The following ABCC9 variants were observed in gnomAD, a reference collection of about 807,000 sequenced individuals.
ABCC9 encodes ATP-binding cassette sub-family C member 9.
Under a neutral mutation model 188.3 loss-of-function variants are expected in ABCC9, and 95 were observed. The observed-to-expected ratio is 0.50, with a 90% confidence interval of 0.43 to 0.60. The LOEUF is 0.60. Among genes scored for constraint, ABCC9 ranks in the 20% least tolerant of loss-of-function variants. The probability of loss-of-function intolerance (pLI) is 0.00; values close to 1 mark genes in which losing one functional copy is unlikely to be tolerated. For synonymous variants in ABCC9, 659 were observed against 652.7 expected, an observed-to-expected ratio of 1.01 and a Z score of -0.15; for missense variants, 1,102 against 1,876.3, an observed-to-expected ratio of 0.59 and a Z score of 7.62.
At chr12:21,887,787 C>T (rs768261209) in intron 15 of ABCC9, 39 bp downstream of exon 15, 3 of 1,254,764 alleles carry the variant, frequency 2.4e-6, no homozygotes, top group South Asian at 2.4e-5. Context: ...TGAGACTGTC[C>T]TCTATTCACA....
intron 31 of ABCC9, among the ~76,000 whole-genome samples, chr12:21,824,471 A>G (rs751398738): frequency 6.6e-6 from 1 of 152,070 alleles, no homozygotes; most frequent in East Asian, 1.9e-4. Flanking sequence ...TTGTGTCTCT[A>G]CTAGGTTTTG....
intron 19 of ABCC9, among the ~76,000 whole-genome samples, chr12:21,863,711 C>T (rs1449946022): frequency 6.6e-6 from 1 of 152,006 alleles, no homozygotes; most frequent in Non-Finnish European, 1.5e-5. Context: ...ACTTTAATTT[C>T]CAATAGTTAG....
At chr12:21,937,189 GA>G (rs1949522493) in intron 2 of ABCC9, among the ~76,000 whole-genome samples, 2 of 152,128 alleles carry the variant, frequency 1.3e-5, no homozygotes, top group Admixed American at 6.5e-5. Flanking sequence ...CTAATATACA[GA>G]AACAAGTGTG....
chr12:21,901,021 A>C (rs989439503), intron 12 of ABCC9, among the ~76,000 whole-genome samples: 2 of 152,170 alleles, frequency 1.3e-5, no homozygotes, highest in Non-Finnish European at 2.9e-5. Flanking sequence ...CCAAAGTTGA[A>C]ATGAAGGAAA....
At chr12:21,916,787 A>G in intron 6 of ABCC9, 150 bp downstream of exon 6, 1 of 609,132 alleles carries the variant, frequency 1.6e-6, no homozygotes, top group Non-Finnish European at 2.6e-6. Context: ...TAATGGCCTG[A>G]ATTTAGTGAT....
In ABCC9 at chr12:21,838,163, G is replaced by A; in HGVS notation, c.3481C>T (p.Gln1161Ter). The change falls in exon 30 of 40, where the codon CAG (glutamine) becomes TAG (stop). Residue 1161 changes from glutamine to a stop codon, truncating the protein, a stop_gained. Transcript: ENST00000261200. LOFTEE classifies it high-confidence loss of function. ...AGCTGGGTACTATCGTCAAGTTCCT[G>A]GAGGTCCCTAGTAGAGAGAGGGGCA... Reference protein sequence around the residue: ...KYFRVASKDLQELDDSTQLPL... With the variant: ...KYFRVASKDL 1 of 1,613,346 alleles carries A rather than the reference G, an allele frequency of 6.2e-7. No individual in the cohort carries two copies. Among genetic ancestry groups the A allele is most frequent in the East Asian group, 2.2e-5 (1 of 44,874 alleles).
At chr12:21,810,721 TG>T (rs1657023321) in intron 36 of ABCC9, among the ~76,000 whole-genome samples, 1 of 152,112 alleles carries the variant, frequency 6.6e-6, no homozygotes, top group Non-Finnish European at 1.5e-5. Context: ...GAGGTTTTGG[TG>T]GGGACATAGC....
At chr12:21,869,130 A>C (rs949037234) in intron 18 of ABCC9, among the ~76,000 whole-genome samples, 9 of 152,218 alleles carry the variant, frequency 5.9e-5, no homozygotes, top group Non-Finnish European at 8.8e-5. Flanking sequence ...TTTTTGAAGA[A>C]AACTTCGGTC....
chr12:21,898,683 T>TGACACA (rs1461074712), intron 12 of ABCC9, among the ~76,000 whole-genome samples: 1 of 152,196 alleles, frequency 6.6e-6, no homozygotes, highest in African/African-American at 2.4e-5. Context: ...TGAGCAAAAC[T>TGACACA]GACACATAAA....
At chr12:21,931,697 C>T (rs761352034) in intron 4 of ABCC9, among the ~76,000 whole-genome samples, 9 of 152,152 alleles carry the variant, frequency 5.9e-5, no homozygotes, top group African/African-American at 2.2e-4. Flanking sequence ...GATGATCTAT[C>T]TTCTACTTTA....
At chr12:21,844,677 A>G (rs1944548782) in intron 27 of ABCC9, 90 bp downstream of exon 27, 2 of 1,587,018 alleles carry the variant, frequency 1.3e-6, no homozygotes, top group Non-Finnish European at 1.7e-6. Context: ...GGACTAAAGA[A>G]ATTCTTCTAA....
At chr12:21,902,237 C>G (rs555368605) in intron 12 of ABCC9, among the ~76,000 whole-genome samples, 17 of 152,264 alleles carry the variant, frequency 1.1e-4, no homozygotes, top group Non-Finnish European at 2.2e-4. Flanking sequence ...TAAAGATGTT[C>G]TTTGAAACCA....
Position 21,853,196 on chromosome 12 carries a change from C to T in ABCC9, c.2506-691G>A, listed in dbSNP as rs536816358. Among the ~76,000 whole-genome samples the T allele has an allele frequency of 4.6e-5, 7 of 152,134 alleles. No homozygotes were observed. In the East Asian group the frequency reaches 1.4e-3, roughly 29 times the overall value. On this transcript the variant is annotated intron_variant, in intron 22 of 39. Transcript: ENST00000261200. ...GGGCATGGTGTCGTGGGCTTGTAAT[C>T]CCAGCTACTTGGGAGGTTGAGACCG...
intron 30 of ABCC9, among the ~76,000 whole-genome samples, chr12:21,833,899 A>G (rs1943922307): frequency 6.6e-6 from 1 of 152,150 alleles, no homozygotes; most frequent in South Asian, 2.1e-4. Context: ...CTAGTTCATT[A>G]TCCTCTTAAA....
rs1941276787 is a variant in ABCC9 at position 21,798,647 on chromosome 12, TG to T, written c.*2396del. On this transcript the variant is annotated 3_prime_UTR_variant, in exon 40 of 40. Coordinates refer to ENST00000261200, the MANE Select transcript of ABCC9 (RefSeq NM_020297.4). Reference sequence around the variant, plus strand: ...ACTCTGATGGTAGTTTCTTTTGCTGTGCAGAAGCTCTTTAGTTTAACCATTG... The same window carrying T: ...ACTCTGATGGTAGTTTCTTTTGCTGTCAGAAGCTCTTTAGTTTAACCATTG... The T allele has an allele frequency of 3.3e-5, 5 of 152,228 alleles. No homozygotes were observed. The highest frequency in any genetic ancestry group is 2.0e-4 in the Admixed American group (3 of 15,284). 9.4% of individuals were successfully genotyped at this position (152,228 alleles called of 1,614,324 possible).
At position 21,849,959 on chromosome 12, in the gene ABCC9, C is replaced by G. The variant is rs144708540; in HGVS notation, c.2770-1713G>C. The stretch of plus-strand genomic sequence containing the variant: ...TATTCTTTCCTGTTTACCCCTTGAT[C>G]CTTAAACTGACAGCTCTTTTTCAAG... On this transcript the variant is annotated intron_variant, in intron 24 of 39. Transcript: ENST00000261200. Among the ~76,000 whole-genome samples the G allele has an allele frequency of 1.9e-4, 29 of 152,094 alleles. No individual in the cohort carries two copies. The East Asian group carries it at 5.4e-3, about 28-fold the overall frequency.
intron 12 of ABCC9, among the ~76,000 whole-genome samples, chr12:21,896,601 C>T (rs1046426571): frequency 5.9e-5 from 9 of 152,064 alleles, no homozygotes; most frequent in African/African-American, 2.2e-4. Context: ...GTGTGTTGTT[C>T]TCCTCCCTGT....
chr12:21,918,652 T>TGGGTTCTCTATTCC (rs1400248594), intron 5 of ABCC9, among the ~76,000 whole-genome samples: 10 of 152,234 alleles, frequency 6.6e-5, no homozygotes, highest in African/African-American at 2.4e-4. Context: ...CAGGGTCAAT[T>TGGGTTCTCTATTCC]GGGTTCTCTA....
At chr12:21,851,678 T>C (rs139911321) in intron 24 of ABCC9, among the ~76,000 whole-genome samples, 4 of 152,286 alleles carry the variant, frequency 2.6e-5, no homozygotes, top group Admixed American at 2.6e-4. Flanking sequence ...TCCTTCAAGA[T>C]CACCTTGGCT....
Sources: gnomAD v4.1 joint callset for allele counts (sites outside exome capture counted in the v4.1 genomes callset) on GRCh38, gnomAD v4.1.1 for gene constraint, MANE v1.5 for transcripts, NCBI Gene and HGNC (gene_info 2026-07-23, HGNC 2026-07-21) for gene names.